Variants in ROBO1 observed in about 807,000 individuals in gnomAD.
ROBO1 encodes roundabout homolog 1.
In ROBO1, 149 loss-of-function variants were observed where a neutral mutation model predicts 195.9. The ratio of observed to expected loss-of-function variants is 0.76; its 90% confidence interval spans 0.67 to 0.87. ROBO1 has a LOEUF of 0.87. ROBO1 is among the 40% of genes least tolerant of loss of function. The pLI, the probability that ROBO1 is intolerant of heterozygous loss-of-function variation, is 0.00. For synonymous variants in ROBO1, 816 were observed against 733.2 expected (o/e 1.11, Z -1.82); for missense variants, 1,933 against 2,068.3 (o/e 0.93, Z 1.27).
At chr3:78,928,062 A>C (rs141321008) in intron 4 of ROBO1, among the ~76,000 whole-genome samples, 3 of 152,312 alleles carry the variant, frequency 2.0e-5, no homozygotes, top group African/African-American at 4.8e-5. Flanking sequence ...CTATTAGGTA[A>C]GCATAATTCA....
intron 1 of ROBO1, among the ~76,000 whole-genome samples, chr3:79,735,635 C>A: frequency 6.6e-6 from 1 of 152,134 alleles, no homozygotes; most frequent in East Asian, 1.9e-4. Flanking sequence ...CTTTGGGAGG[C>A]CGAGGCGGGT....
chr3:78,958,326 G>A (rs1162283140), intron 3 of ROBO1, among the ~76,000 whole-genome samples: 1 of 151,982 alleles, frequency 6.6e-6, no homozygotes, highest in Non-Finnish European at 1.5e-5. Context: ...TTCCTTAAAG[G>A]GCTTTGAACT....
chr3:79,212,011 G>A (rs1329447130), intron 2 of ROBO1, among the ~76,000 whole-genome samples: 1 of 152,198 alleles, frequency 6.6e-6, no homozygotes, highest in Non-Finnish European at 1.5e-5. Flanking sequence ...GAAACAAAGG[G>A]ATGGGCCAAA....
In ROBO1 at chr3:79,441,447, A is replaced by T. The variant is rs191324412; in HGVS notation, c.88+148377T>A. On this transcript the variant is annotated intron_variant, in intron 2 of 30. Transcript: ENST00000464233. ...ATTAGCATTTCTTGCCATCATGGCC[A>T]ATCAGTTTTTAAGTAAATAACTAAG... 3.7e-3 allele frequency among the ~76,000 whole-genome samples: 556 copies of T among 152,260 alleles called. 3 individuals carry two copies. The highest frequency in any genetic ancestry group is 4.0e-3 in the Non-Finnish European group (272 of 67,986).
chr3:79,684,788 G>C (rs2107009995), intron 1 of ROBO1, among the ~76,000 whole-genome samples: 1 of 152,118 alleles, frequency 6.6e-6, no homozygotes, highest in South Asian at 2.1e-4. Context: ...CAATTCTCCT[G>C]CCTCAGCCTC....
intron 2 of ROBO1, among the ~76,000 whole-genome samples, chr3:79,530,736 A>G (rs2107609826): frequency 7.0e-6 from 1 of 142,274 alleles, no homozygotes; most frequent in South Asian, 2.3e-4. Context: ...CAAATATTTA[A>G]TTCACCCACA....
At chr3:78,710,406 T>A (rs1189409748) in intron 8 of ROBO1, among the ~76,000 whole-genome samples, 1 of 152,350 alleles carries the variant, frequency 6.6e-6, no homozygotes, top group Admixed American at 6.5e-5. Flanking sequence ...ATATTAGTAC[T>A]TCAGATTCTT....
At chr3:79,464,830 A>G (rs927541138) in intron 2 of ROBO1, among the ~76,000 whole-genome samples, 3 of 152,136 alleles carry the variant, frequency 2.0e-5, no homozygotes, top group Non-Finnish European at 4.4e-5. Context: ...AAAATTTTAC[A>G]CAAGCGGGCA....
intron 3 of ROBO1, among the ~76,000 whole-genome samples, chr3:79,115,673 G>A (rs892474140): frequency 3.3e-5 from 5 of 152,036 alleles, no homozygotes; most frequent in Non-Finnish European, 4.4e-5. Context: ...ATTATATCAG[G>A]TCTACCAAGC....
rs922812296 is a variant in ROBO1, at chr3:79,685,888, T to C, written c.-51+81864A>G. Among the ~76,000 whole-genome samples the C allele has an allele frequency of 4.6e-5, 7 of 152,048 alleles. No individual in the cohort carries two copies. In the East Asian group the frequency reaches 5.8e-4, roughly 13 times the overall value. Reference sequence around the variant, plus strand: ...TCATTTTATGAGGCCAGCATCATCCTGATACCAAAGCCTGGCAGAGACAAC... The same window carrying C: ...TCATTTTATGAGGCCAGCATCATCCCGATACCAAAGCCTGGCAGAGACAAC... On this transcript the variant is annotated intron_variant, in intron 1 of 30. Transcript: ENST00000464233.
At chr3:78,976,048 C>T (rs1048002370) in intron 3 of ROBO1, among the ~76,000 whole-genome samples, 1 of 151,990 alleles carries the variant, frequency 6.6e-6, no homozygotes, top group African/African-American at 2.4e-5. Context: ...TTTCTAAATC[C>T]TAAGTTTAAT....
At chr3:79,713,869 G>T (rs1024280027) in intron 1 of ROBO1, among the ~76,000 whole-genome samples, 24 of 152,080 alleles carry the variant, frequency 1.6e-4, no homozygotes, top group Non-Finnish European at 2.6e-4. Context: ...CCCATTGCTT[G>T]TTTTTGTCAG....
At chr3:79,710,624 G>A (rs1296923641) in intron 1 of ROBO1, among the ~76,000 whole-genome samples, 1 of 152,140 alleles carries the variant, frequency 6.6e-6, no homozygotes, top group Non-Finnish European at 1.5e-5. Context: ...ATAATAATGT[G>A]CAAGGCAATT....
chr3:78,890,306 T>G (rs1329003406), intron 4 of ROBO1, among the ~76,000 whole-genome samples: 1 of 151,968 alleles, frequency 6.6e-6, no homozygotes, highest in Admixed American at 6.6e-5. Flanking sequence ...TGATGGTAGG[T>G]GGAAGTGAGT....
Position 79,584,900 on chromosome 3 carries a change from C to G in ROBO1, c.88+4924G>C, listed in dbSNP as rs556430810. ...CATCAGCAAGAGAACACCCACCTGACAGCTTTTTGATCTGGTTAAGTCCAT... is the reference window on the plus strand; with the variant it reads ...CATCAGCAAGAGAACACCCACCTGAGAGCTTTTTGATCTGGTTAAGTCCAT... On this transcript the variant is annotated intron_variant, in intron 2 of 30. Coordinates refer to ENST00000464233, the MANE Select transcript of ROBO1 (RefSeq NM_002941.4). Among the ~76,000 whole-genome samples, 13 of 151,798 alleles carry G rather than the reference C, an allele frequency of 8.6e-5. No individual in the cohort carries two copies. In the South Asian group the frequency reaches 2.7e-3, roughly 32 times the overall value.
intron 2 of ROBO1, among the ~76,000 whole-genome samples, chr3:79,495,444 GT>G (rs1272084681): frequency 6.6e-6 from 1 of 152,006 alleles, no homozygotes; most frequent in Non-Finnish European, 1.5e-5. Context: ...GAAAATAAAT[GT>G]TTCAAAAATG....
At chr3:79,738,570 T>C (rs1269837117) in intron 1 of ROBO1, among the ~76,000 whole-genome samples, 1 of 152,216 alleles carries the variant, frequency 6.6e-6, no homozygotes, top group Admixed American at 6.5e-5. Context: ...GCAATCATTT[T>C]CTTTAGCGTT....
chr3:78,723,136 A>T lies in ROBO1; in HGVS notation c.658-5253T>A, dbSNP rs143003925. On this transcript the variant is annotated intron_variant, in intron 5 of 30. Transcript: ENST00000464233. Reference sequence around the variant, plus strand: ...ATCCCATAAGATGATAATGGAGCTGAAAAATTCCTAGTGATGTTGCGGCTG... The same window carrying T: ...ATCCCATAAGATGATAATGGAGCTGTAAAATTCCTAGTGATGTTGCGGCTG... Among the ~76,000 whole-genome samples, 34 of 152,326 alleles carry T rather than the reference A, an allele frequency of 2.2e-4. No individual in the cohort carries two copies. In the East Asian group the frequency reaches 6.4e-3, roughly 29 times the overall value.
intron 4 of ROBO1, among the ~76,000 whole-genome samples, chr3:78,810,542 T>C (rs1231017701): frequency 6.6e-6 from 1 of 152,150 alleles, no homozygotes; most frequent in Non-Finnish European, 1.5e-5. Context: ...AAACATATAT[T>C]GAGTAACACA....
Sources: allele counts gnomAD v4.1 joint callset (sites outside exome capture counted in the v4.1 genomes callset), GRCh38; gene constraint gnomAD v4.1.1; transcripts MANE v1.5; gene names NCBI Gene and HGNC (gene_info 2026-07-23, HGNC 2026-07-21).